Variants in TRIM36 observed in about 807,000 individuals in gnomAD.
The protein encoded by TRIM36 is tripartite motif containing 36, also known as E3 ubiquitin-protein ligase TRIM36.
Under a neutral mutation model 72.4 loss-of-function variants are expected in TRIM36, and 42 were observed. That is an observed-to-expected ratio of 0.58 (90% CI 0.45 to 0.75). The LOEUF is 0.75. Among genes scored for constraint, TRIM36 ranks in the 30% least tolerant of loss-of-function variants. TRIM36 has a pLI of 0.00. For missense variants in TRIM36, 913 were observed against 857.1 expected (o/e 1.07, Z -0.81); for synonymous variants, 315 against 282.8 (o/e 1.11, Z -1.14).
At chr5:115,172,768 T>G (rs1755171200), upstream of TRIM36, among the ~76,000 whole-genome samples, 1 of 151,392 alleles carries the variant, frequency 6.6e-6, no homozygotes, top group African/African-American at 2.4e-5. Flanking sequence ...CCATAAGGAT[T>G]CTGAATGCTG....
At chr5:115,168,708 A>G (rs577841911) in intron 1 of TRIM36, among the ~76,000 whole-genome samples, 1 of 152,338 alleles carries the variant, frequency 6.6e-6, no homozygotes, top group South Asian at 2.1e-4. Context: ...TAAGATAACT[A>G]AACCTCACAA....
upstream of TRIM36, chr5:115,171,126 T>G: frequency 4.3e-6 from 7 of 1,614,260 alleles, no homozygotes; most frequent in Non-Finnish European, 5.9e-6. Context: ...TGCTTCCCAC[T>G]TTTATTTCCT....
chr5:115,163,104 C>T (rs1051312597), intron 2 of TRIM36, among the ~76,000 whole-genome samples: 11 of 152,048 alleles, frequency 7.2e-5, no homozygotes, highest in Middle Eastern at 3.4e-3. Context: ...GTTACAGGCA[C>T]GCGTCACCAC....
At chr5:115,175,516 G>A (rs1326589796) in intron 1 of TRIM36, among the ~76,000 whole-genome samples, 1 of 152,054 alleles carries the variant, frequency 6.6e-6, no homozygotes, top group Admixed American at 6.5e-5. Flanking sequence ...ATACTAAAAA[G>A]CCAGGATTCA....
Position 115,126,464 on chromosome 5 carries a change from G to A in TRIM36, c.*39C>T. 1 of 1,539,154 alleles carries A rather than the reference G, an allele frequency of 6.5e-7. No individual in the cohort carries two copies. Among genetic ancestry groups the A allele is most frequent in the Non-Finnish European group, 8.9e-7 (1 of 1,125,534 alleles). Reference sequence around the variant, plus strand: ...AAGGTTAACGCTAAGGCATTGCTTTGTTTACAGTTTTTATCCTGAGTCACA... The same window carrying A: ...AAGGTTAACGCTAAGGCATTGCTTTATTTACAGTTTTTATCCTGAGTCACA... On this transcript the variant is annotated 3_prime_UTR_variant, in exon 10 of 10. Transcript: ENST00000513154.
intron 7 of TRIM36, 89 bp downstream of exon 7, chr5:115,136,908 TATA>T (rs1275305164): frequency 7.6e-7 from 1 of 1,320,144 alleles, no homozygotes; most frequent in Non-Finnish European, 1.0e-6. Context: ...GATGCTGCTT[TATA>T]ATGTCAAATT....
intron 2 of TRIM36, among the ~76,000 whole-genome samples, chr5:115,152,403 T>A (rs963167014): frequency 5.3e-5 from 8 of 152,136 alleles, no homozygotes; most frequent in African/African-American, 1.7e-4. Context: ...GAATAATCAG[T>A]GTTCCTGAGG....
chr5:115,132,021 A>G (rs999191984), intron 8 of TRIM36, among the ~76,000 whole-genome samples: 8 of 152,138 alleles, frequency 5.3e-5, no homozygotes, highest in Admixed American at 3.3e-4. Flanking sequence ...TGTTAAGATA[A>G]TACATTTTAT....
chr5:115,162,936 A>G (rs1754560209), intron 2 of TRIM36, among the ~76,000 whole-genome samples: 1 of 151,982 alleles, frequency 6.6e-6, no homozygotes, highest in East Asian at 1.9e-4. Context: ...CACAGTCAGA[A>G]TAATTCCTAA....
chr5:115,157,231 C>T (rs1229085221), intron 2 of TRIM36, among the ~76,000 whole-genome samples: 1 of 151,350 alleles, frequency 6.6e-6, no homozygotes, highest in African/African-American at 2.4e-5. Context: ...TAAACTAGTA[C>T]AGCCACTACA....
upstream of TRIM36, chr5:115,170,036 G>A: frequency 1.0e-6 from 1 of 985,032 alleles, no homozygotes; most frequent in South Asian, 4.5e-5. Flanking sequence ...GGGCTGGTAG[G>A]CCGGGTGTCT....
intron 2 of TRIM36, among the ~76,000 whole-genome samples, chr5:115,151,191 G>A (rs1359508700): frequency 6.6e-6 from 1 of 152,130 alleles, no homozygotes; most frequent in Non-Finnish European, 1.5e-5. Context: ...GTTGTTGGGG[G>A]TACAGTGGAA....
chr5:115,161,788 T>C (rs1754495294), intron 2 of TRIM36, among the ~76,000 whole-genome samples: 1 of 152,172 alleles, frequency 6.6e-6, no homozygotes, highest in African/African-American at 2.4e-5. Flanking sequence ...CTTACAGTAG[T>C]TGAGCTAAAG....
At chr5:115,134,544 G>T (rs1254111690) in intron 7 of TRIM36, among the ~76,000 whole-genome samples, 1 of 105,908 alleles carries the variant, frequency 9.4e-6, no homozygotes, top group Non-Finnish European at 2.5e-5. Context: ...AACTCTCAAT[G>T]AATTTTTTTT....
intron 1 of TRIM36, among the ~76,000 whole-genome samples, chr5:115,179,628 C>T (rs1015456215): frequency 7.9e-5 from 12 of 152,250 alleles, no homozygotes; most frequent in African/African-American, 2.9e-4. Flanking sequence ...TTGAGTAGCC[C>T]TGGTTGGTGG....
upstream of TRIM36, among the ~76,000 whole-genome samples, chr5:115,171,901 C>T (rs1755132002): frequency 6.6e-6 from 1 of 152,220 alleles, no homozygotes; most frequent in South Asian, 2.1e-4. Context: ...GTGTGAGCAA[C>T]TATCTATTCA....
chr5:115,129,965 T>G (rs1016756276), intron 9 of TRIM36, among the ~76,000 whole-genome samples: 7 of 152,234 alleles, frequency 4.6e-5, no homozygotes, highest in Admixed American at 4.6e-4. Context: ...TGTTTTACTG[T>G]TAAAATTTTC....
At chr5:115,127,627 T>C (rs907145717) in intron 9 of TRIM36, among the ~76,000 whole-genome samples, 1 of 152,232 alleles carries the variant, frequency 6.6e-6, no homozygotes, top group African/African-American at 2.4e-5. Context: ...TGTAAGGCTG[T>C]AGTGTAACCC....
chr5:115,132,672 A>G (rs1296551135), intron 8 of TRIM36, among the ~76,000 whole-genome samples: 1 of 152,104 alleles, frequency 6.6e-6, no homozygotes, highest in African/African-American at 2.4e-5. Context: ...CTCAATCTCA[A>G]AAGTCTCCCA....
Sources: gnomAD v4.1 joint callset for allele counts (sites outside exome capture counted in the v4.1 genomes callset) on GRCh38, gnomAD v4.1.1 for gene constraint, MANE v1.5 for transcripts, NCBI Gene and HGNC (gene_info 2026-07-23, HGNC 2026-07-21) for gene names.